The following ARHGEF28 variants were observed in gnomAD, a reference collection of about 807,000 sequenced individuals.
ARHGEF28 encodes the protein Rho guanine nucleotide exchange factor 28.
A neutral mutation model predicts 206.6 loss-of-function variants in ARHGEF28; 152 were observed. The ratio of observed to expected loss-of-function variants is 0.74; its 90% CI spans 0.64 to 0.84. The LOEUF (loss-of-function observed/expected upper bound fraction) is 0.84, where lower values mean the gene tolerates loss of function less well. Ranked by LOEUF, ARHGEF28 falls within the 40% of genes least tolerant of loss-of-function variation. ARHGEF28 has a pLI of 0.00. For synonymous variants in ARHGEF28, 763 were observed against 776.4 expected (o/e 0.98, Z 0.29); for missense variants, 2,028 against 2,073.2 (o/e 0.98, Z 0.42).
rs1762440058 is a variant in ARHGEF28, at chr5:73,904,396, C to T, written c.4152C>T (p.Tyr1384=). Residue 1384 remains tyrosine (Y), a synonymous_variant, in exon 33 of 36, where the codon TAC becomes TAT. Coordinates refer to ENST00000513042, the MANE Select transcript of ARHGEF28 (RefSeq NM_001177693.2). ...QAIQNLTRLL[Y]SLQAALTIQD... Reference sequence around the variant, plus strand: ...TACAGAATTTAACCCGTCTCTTATACAGCCTTCAGGTAACTATCCTCCTCT... The same window carrying T: ...TACAGAATTTAACCCGTCTCTTATATAGCCTTCAGGTAACTATCCTCCTCT... 1 of 1,611,308 alleles carries T rather than the reference C, an allele frequency of 6.2e-7. No individual in the cohort carries two copies.
intron 1 of ARHGEF28, among the ~76,000 whole-genome samples, chr5:73,652,596 T>C (rs910955846): frequency 6.6e-6 from 1 of 152,134 alleles, no homozygotes; most frequent in Non-Finnish European, 1.5e-5. Context: ...TCTTTGTAGG[T>C]TTATGAGTGA....
chr5:73,845,986 C>CAAAAAAAAAAAAAAAAAAAAAAGAA (rs1758316628), intron 11 of ARHGEF28, among the ~76,000 whole-genome samples: 1 of 63,736 alleles, frequency 1.6e-5, no homozygotes, highest in Non-Finnish European at 3.4e-5. Context: ...AAAACTGTCT[C>CAAAAAAAAAAAAAAAAAAAAAAGAA]AAAAAAAAAA....
chr5:73,795,415 T>C lies in ARHGEF28; in HGVS notation c.1024+24T>C, dbSNP rs541432635. The C allele has an allele frequency of 1.3e-5, 21 of 1,594,540 alleles. No individual in the cohort carries two copies. The South Asian group carries it at 1.9e-4, about 14-fold the overall frequency. The stretch of plus-strand genomic sequence containing the variant: ...GGGTATGAAATAACGCTTTTACCTA[T>C]ACTCGTAGGGGCATCCCAGATCCAG... On this transcript the variant is annotated intron_variant, in intron 9 of 35. Transcript: ENST00000513042.
At chr5:73,921,483 A>G (rs1763519375) in intron 35 of ARHGEF28, among the ~76,000 whole-genome samples, 1 of 152,226 alleles carries the variant, frequency 6.6e-6, no homozygotes, top group African/African-American at 2.4e-5. Flanking sequence ...TAAGATATTA[A>G]TTCAGTTTAA....
chr5:73,813,402 C>CTT, intron 9 of ARHGEF28: 7 of 1,228,304 alleles, frequency 5.7e-6, no homozygotes, highest in Non-Finnish European at 7.6e-6. Flanking sequence ...TGTCGGTCTA[C>CTT]ACGCCTGAAT....
At chr5:73,778,982 C>T (rs1753685530) in intron 6 of ARHGEF28, among the ~76,000 whole-genome samples, 2 of 152,192 alleles carry the variant, frequency 1.3e-5, no homozygotes, top group African/African-American at 4.8e-5. Context: ...CATGTTTAGT[C>T]TCCGGGTTTG....
chr5:73,637,788 G>A (rs1487281389), intron 1 of ARHGEF28, among the ~76,000 whole-genome samples: 1 of 152,226 alleles, frequency 6.6e-6, no homozygotes, highest in Non-Finnish European at 1.5e-5. Context: ...AGCTCTCAAT[G>A]CTGACAAATT....
At chr5:73,870,356 G>T in intron 21 of ARHGEF28, 147 bp downstream of exon 21, 1 of 1,040,662 alleles carries the variant, frequency 9.6e-7, no homozygotes, top group Non-Finnish European at 1.3e-6. Context: ...AGATCACCTA[G>T]ACCTTAGTTT....
At chr5:73,687,555 A>G (rs1269573293) in intron 2 of ARHGEF28, among the ~76,000 whole-genome samples, 1 of 152,104 alleles carries the variant, frequency 6.6e-6, no homozygotes, top group Non-Finnish European at 1.5e-5. Flanking sequence ...AAAATCTACC[A>G]AATGGGTAAT....
intron 10 of ARHGEF28, among the ~76,000 whole-genome samples, chr5:73,833,010 A>G (rs1279676091): frequency 6.6e-6 from 1 of 152,226 alleles, no homozygotes; most frequent in Non-Finnish European, 1.5e-5. Context: ...CTTTCCACCC[A>G]GTCCCTGATA....
chr5:73,629,499 C>A (rs1286363102), intron 1 of ARHGEF28, among the ~76,000 whole-genome samples: 18 of 115,016 alleles, frequency 1.6e-4, no homozygotes, highest in Non-Finnish European at 2.8e-4. Context: ...CAGAAAAAGA[C>A]TCTGTCTCAA....
rs145899439 is a variant in ARHGEF28, at chr5:73,897,901, C to G, written c.3842-61C>G. On this transcript the variant is annotated intron_variant, in intron 29 of 35. Coordinates refer to ENST00000513042, the MANE Select transcript of ARHGEF28 (RefSeq NM_001177693.2). ...CAAATGCGATTTGCCAATTCCTGGTCTAGATTAAATATATACCTATCTTTG... is the reference window on the plus strand; with the variant it reads ...CAAATGCGATTTGCCAATTCCTGGTGTAGATTAAATATATACCTATCTTTG... The G allele has an allele frequency of 5.6e-4, 844 of 1,502,836 alleles. 11 individuals carry two copies. In the African/African-American group the frequency reaches 9.8e-3, roughly 17 times the overall value. The allele number at this position is 1,502,836 out of a possible 1,614,324, so 93.1% of individuals were successfully genotyped here. A position where few individuals can be genotyped will look rare whatever the true frequency, so the allele number is the denominator to read the frequency against.
chr5:73,743,735 C>A (rs947406261), intron 2 of ARHGEF28, among the ~76,000 whole-genome samples: 8 of 152,188 alleles, frequency 5.3e-5, no homozygotes, highest in African/African-American at 1.9e-4. Flanking sequence ...AACTGATAGA[C>A]AGACTCCCCA....
chr5:73,653,254 G>A (rs1744945245), intron 1 of ARHGEF28, among the ~76,000 whole-genome samples: 1 of 152,204 alleles, frequency 6.6e-6, no homozygotes, highest in Non-Finnish European at 1.5e-5. Flanking sequence ...GCTCAGCGAT[G>A]TGAGGGGTTG....
At chr5:73,642,448 A>C (rs1254334268) in intron 1 of ARHGEF28, among the ~76,000 whole-genome samples, 1 of 152,204 alleles carries the variant, frequency 6.6e-6, no homozygotes, top group Non-Finnish European at 1.5e-5. Context: ...ACTAGACACA[A>C]TAGTCTTGAC....
intron 2 of ARHGEF28, among the ~76,000 whole-genome samples, chr5:73,738,578 C>T (rs546535844): frequency 3.1e-4 from 47 of 151,830 alleles, no homozygotes; most frequent in Admixed American, 1.3e-4. Context: ...GGAATATTCT[C>T]GCACGGATGC....
chr5:73,925,780 G>A (rs368283091), intron 35 of ARHGEF28, among the ~76,000 whole-genome samples: 1 of 152,296 alleles, frequency 6.6e-6, no homozygotes, highest in African/African-American at 2.4e-5. Context: ...GTTGTTGCAT[G>A]AGCCCATAGT....
At chr5:73,816,589 A>G (rs1029926056) in intron 9 of ARHGEF28, among the ~76,000 whole-genome samples, 5 of 152,208 alleles carry the variant, frequency 3.3e-5, no homozygotes, top group African/African-American at 1.2e-4. Flanking sequence ...GAGTGATGTG[A>G]AAATTTAGAG....
At chr5:73,698,095 A>G (rs1193114511) in intron 2 of ARHGEF28, among the ~76,000 whole-genome samples, 2 of 152,216 alleles carry the variant, frequency 1.3e-5, no homozygotes, top group Non-Finnish European at 2.9e-5. Context: ...ACGATAAATA[A>G]CAAATCTTAA....
Sources: allele counts gnomAD v4.1 joint callset (sites outside exome capture counted in the v4.1 genomes callset), GRCh38; gene constraint gnomAD v4.1.1; transcripts MANE v1.5; gene names NCBI Gene and HGNC (gene_info 2026-07-23, HGNC 2026-07-21).